The following CCDC171 variants were observed in gnomAD, a reference collection of about 807,000 sequenced individuals.
CCDC171 encodes coiled-coil domain-containing protein 171.
A neutral mutation model predicts 168.2 loss-of-function variants in CCDC171; 177 were observed. The ratio of observed to expected loss-of-function variants is 1.05; its 90% confidence interval spans 0.93 to 1.19. The LOEUF (loss-of-function observed/expected upper bound fraction) is 1.19. Among genes scored for constraint, CCDC171 ranks in the 50% most tolerant of loss-of-function variants. CCDC171 has a pLI of 0.00. For missense variants in CCDC171, 1,991 were observed against 1,539.0 expected, an observed-to-expected ratio of 1.29 and a Z score of -4.91; for synonymous variants, 687 against 540.8, an observed-to-expected ratio of 1.27 and a Z score of -3.75.
intron 6 of CCDC171, among the ~76,000 whole-genome samples, chr9:15,600,930 C>T (rs563589795): frequency 1.5e-3 from 224 of 152,216 alleles, no homozygotes; most frequent in Admixed American, 2.9e-3. Context: ...TAGGACCCTC[C>T]GAGCCAAGCG....
chr9:15,812,562 A>C (rs544898900), intron 21 of CCDC171, among the ~76,000 whole-genome samples: 1 of 152,346 alleles, frequency 6.6e-6, no homozygotes, highest in South Asian at 2.1e-4. Flanking sequence ...ATCGGCCACA[A>C]AAAGTTACTG....
chr9:15,857,647 T>G (rs765457734), intron 23 of CCDC171, among the ~76,000 whole-genome samples: 6 of 151,842 alleles, frequency 4.0e-5, no homozygotes, highest in Non-Finnish European at 8.8e-5. Flanking sequence ...GGTCTTGAAC[T>G]CCTGTCCTCA....
intron 6 of CCDC171, among the ~76,000 whole-genome samples, chr9:16,023,317 T>C (rs144558638): frequency 2.6e-4 from 39 of 152,348 alleles, no homozygotes; most frequent in African/African-American, 8.9e-4. Flanking sequence ...CTATGAGCCA[T>C]GTTTAGTATA....
chr9:15,561,764 A>G (rs1189648080), intron 1 of CCDC171, among the ~76,000 whole-genome samples: 2 of 152,092 alleles, frequency 1.3e-5, no homozygotes, highest in East Asian at 3.8e-4. Context: ...AAACACACAG[A>G]GAAGTAAATC....
chr9:15,642,347 A>ATATG (rs2046696137), intron 7 of CCDC171, among the ~76,000 whole-genome samples: 1 of 28,772 alleles, frequency 3.5e-5, no homozygotes, highest in African/African-American at 1.0e-4. Flanking sequence ...GTGTGTGTAT[A>ATATG]TATATATATA....
chr9:15,700,353 C>A (rs1289919491), intron 11 of CCDC171, among the ~76,000 whole-genome samples: 1 of 152,238 alleles, frequency 6.6e-6, no homozygotes, highest in African/African-American at 2.4e-5. Flanking sequence ...CCCGCCAAGC[C>A]CACGCCCACC....
intron 21 of CCDC171, among the ~76,000 whole-genome samples, chr9:15,800,299 A>G (rs2058757606): frequency 6.6e-6 from 1 of 152,100 alleles, no homozygotes; most frequent in South Asian, 2.1e-4. Flanking sequence ...TTAGGATAAA[A>G]GCCATTTTAA....
At chr9:15,564,197 G>C (rs1432396603) in intron 2 of CCDC171, 68 bp downstream of exon 2, 2 of 1,175,306 alleles carry the variant, frequency 1.7e-6, no homozygotes, top group African/African-American at 1.5e-5. Context: ...AGAAGTCAGT[G>C]GTTGTAGAGC....
intron 9 of CCDC171, among the ~76,000 whole-genome samples, chr9:15,677,430 G>A (rs542690449): frequency 1.3e-5 from 2 of 152,132 alleles, no homozygotes; most frequent in South Asian, 2.1e-4. Flanking sequence ...GTAAGGTCAT[G>A]TGCTACTCAA....
In CCDC171 at chr9:15,946,037, C is replaced by A. The variant is rs182963007; in HGVS notation, c.3754-25572C>A. ...AGGTCTATCGTTTAAGTCTTTAATC[C>A]ATCTTGAATTGATTTTAGTATAAGG... On this transcript the variant is annotated intron_variant, in intron 25 of 25. Coordinates refer to ENST00000380701, the MANE Select transcript of CCDC171 (RefSeq NM_173550.4). Among the ~76,000 whole-genome samples the A allele has an allele frequency of 1.7e-3, 252 of 151,848 alleles. 2 individuals are homozygous for A. The highest frequency in any genetic ancestry group is 5.6e-3 in the African/African-American group (234 of 41,476).
intron 18 of CCDC171, among the ~76,000 whole-genome samples, chr9:15,752,703 G>A (rs763271040): frequency 5.9e-5 from 9 of 152,088 alleles, no homozygotes; most frequent in Non-Finnish European, 1.3e-4. Context: ...GAGAACACAC[G>A]GACACAGGGA....
In CCDC171 at chr9:15,984,864, G is replaced by A. The variant is rs528441971; in HGVS notation, n.369-35725G>A. On this transcript the variant is annotated intron_variant and non_coding_transcript_variant, in intron 3 of 9. Transcript: ENST00000486641. ...AAACAGATATTGTGCTAAGTTTAAA[G>A]TCACTATGGACTTTTGCACAAATGG... Among the ~76,000 whole-genome samples the A allele has an allele frequency of 1.4e-4, 22 of 152,174 alleles. No individual in the cohort carries two copies. The South Asian group carries it at 1.9e-3, about 13-fold the overall frequency.
intron 7 of CCDC171, among the ~76,000 whole-genome samples, chr9:15,656,795 G>A (rs192074635): frequency 9.5e-4 from 144 of 152,188 alleles, no homozygotes; most frequent in African/African-American, 3.3e-3. Context: ...TAAGAGTGAT[G>A]GAAATGTTTC....
At chr9:15,874,317 C>G (rs943097737) in intron 23 of CCDC171, among the ~76,000 whole-genome samples, 1 of 152,038 alleles carries the variant, frequency 6.6e-6, no homozygotes, top group African/African-American at 2.4e-5. Context: ...TCCCTCATTT[C>G]AAGCAGGAGG....
At chr9:16,072,479 C>T in the CCDC171 span, among the ~76,000 whole-genome samples, 1 of 152,134 alleles carries the variant, frequency 6.6e-6, no homozygotes, top group Non-Finnish European at 1.5e-5. Flanking sequence ...CCTTGAGTAG[C>T]CTTTGGAATC....
At chr9:15,661,270 A>T (rs1428217461) in intron 8 of CCDC171, among the ~76,000 whole-genome samples, 2 of 114,584 alleles carry the variant, frequency 1.7e-5, no homozygotes, top group Non-Finnish European at 3.5e-5. Flanking sequence ...ACAGAGCGAG[A>T]CTCCGTCTCA....
chr9:16,033,578 A>G (rs928193544), intron 6 of CCDC171, among the ~76,000 whole-genome samples: 1 of 152,184 alleles, frequency 6.6e-6, no homozygotes, highest in Non-Finnish European at 1.5e-5. Context: ...CTGATTCTAC[A>G]TTATGGTGAG....
upstream of CCDC171, among the ~76,000 whole-genome samples, chr9:16,039,798 G>C (rs1833543594): frequency 6.6e-6 from 1 of 152,074 alleles, no homozygotes; most frequent in African/African-American, 2.4e-5. Context: ...GAGCTACGTG[G>C]GTGTCTGGGA....
chr9:16,009,935 G>T (rs536254517), intron 3 of CCDC171, among the ~76,000 whole-genome samples: 3 of 152,246 alleles, frequency 2.0e-5, no homozygotes, highest in African/African-American at 7.2e-5. Context: ...TGGCAACTCT[G>T]TTAAAAATAA....
Sources: allele counts gnomAD v4.1 joint callset (sites outside exome capture counted in the v4.1 genomes callset), GRCh38; gene constraint gnomAD v4.1.1; transcripts MANE v1.5; gene names NCBI Gene and HGNC (gene_info 2026-07-23, HGNC 2026-07-21).